C1QTNF7: variants seen among roughly 807,000 people sequenced by gnomAD.
The protein encoded by C1QTNF7 is complement C1q tumor necrosis factor-related protein 7.
In C1QTNF7, 15 loss-of-function variants were observed where a neutral mutation model predicts 19.6. That is an observed-to-expected ratio of 0.76 (90% CI 0.51 to 1.18). The LOEUF (loss-of-function observed/expected upper bound fraction) is 1.18, where lower values mean the gene tolerates loss of function less well. Ranked by LOEUF, C1QTNF7 falls within the 50% of genes most tolerant of loss-of-function variation. C1QTNF7 has a pLI of 0.00. For missense variants in C1QTNF7, 324 were observed against 359.7 expected, an observed-to-expected ratio of 0.90 and a Z score of 0.80; for synonymous variants, 142 against 137.5, an observed-to-expected ratio of 1.03 and a Z score of -0.23.
At chr4:15,391,112 T>A (rs1269036962) in intron 1 of C1QTNF7, among the ~76,000 whole-genome samples, 4 of 151,918 alleles carry the variant, frequency 2.6e-5, no homozygotes, top group African/African-American at 9.7e-5. Context: ...TGAATCCAGG[T>A]GCTCTAAGCA....
At chr4:15,370,622 A>T (rs1270735890) in intron 1 of C1QTNF7, among the ~76,000 whole-genome samples, 1 of 152,202 alleles carries the variant, frequency 6.6e-6, no homozygotes, top group Admixed American at 6.5e-5. Context: ...ATAAACTTAC[A>T]TTCTAGCCTT....
chr4:15,372,700 C>A (rs1000512242), intron 1 of C1QTNF7, among the ~76,000 whole-genome samples: 1 of 152,178 alleles, frequency 6.6e-6, no homozygotes, highest in Non-Finnish European at 1.5e-5. Context: ...GATCTTTGTT[C>A]ATGGCTACTT....
At chr4:15,373,823 T>C (rs1215584747) in intron 1 of C1QTNF7, 2 of 152,182 alleles carry the variant, frequency 1.3e-5, no homozygotes, top group Non-Finnish European at 2.9e-5. Context: ...AGTCACTCAA[T>C]GGTTTCTTTC....
intron 1 of C1QTNF7, among the ~76,000 whole-genome samples, chr4:15,394,173 G>A (rs1335507560): frequency 1.3e-5 from 2 of 152,364 alleles, no homozygotes; most frequent in African/African-American, 4.8e-5. Flanking sequence ...AGCATGTTTG[G>A]AACACTTGAG....
chr4:15,353,279 G>A (rs1670055021), intron 1 of C1QTNF7, among the ~76,000 whole-genome samples: 1 of 152,158 alleles, frequency 6.6e-6, no homozygotes. Context: ...TGGCCTTCAA[G>A]TTCATTCCAG....
intron 1 of C1QTNF7, among the ~76,000 whole-genome samples, chr4:15,340,511 T>A (rs752401314): frequency 2.6e-5 from 4 of 152,188 alleles, no homozygotes; most frequent in Non-Finnish European, 5.9e-5. Flanking sequence ...CATTTGTCAG[T>A]GTGGTGACAG....
At chr4:15,421,966 A>G (rs1283891589) in intron 1 of C1QTNF7, among the ~76,000 whole-genome samples, 1 of 152,142 alleles carries the variant, frequency 6.6e-6, no homozygotes, top group African/African-American at 2.4e-5. Context: ...TATTTATATG[A>G]CACTCTGGAA....
chr4:15,416,846 T>A (rs1035222630), intron 1 of C1QTNF7, among the ~76,000 whole-genome samples: 1 of 152,218 alleles, frequency 6.6e-6, no homozygotes, highest in Non-Finnish European at 1.5e-5. Flanking sequence ...CTTCCTCTTA[T>A]GTTAAAAGTC....
At chr4:15,390,975 G>C (rs955902946) in intron 1 of C1QTNF7, among the ~76,000 whole-genome samples, 2 of 152,062 alleles carry the variant, frequency 1.3e-5, no homozygotes, top group Non-Finnish European at 2.9e-5. Context: ...CCATCGGTTA[G>C]CACTCTTTCA....
intron 1 of C1QTNF7, among the ~76,000 whole-genome samples, chr4:15,399,388 T>A (rs564519361): frequency 2.0e-5 from 3 of 152,148 alleles, no homozygotes; most frequent in Admixed American, 2.0e-4. Flanking sequence ...CAGCTCTGAA[T>A]ATCTCTGTAG....
upstream of C1QTNF7, among the ~76,000 whole-genome samples, chr4:15,423,667 C>T (rs926593782): frequency 2.6e-5 from 4 of 152,232 alleles, no homozygotes; most frequent in Non-Finnish European, 5.9e-5. Context: ...CCGCCTGGCC[C>T]AGGCACATCC....
chr4:15,354,436 C>G (rs1281606294), intron 1 of C1QTNF7, among the ~76,000 whole-genome samples: 1 of 151,948 alleles, frequency 6.6e-6, no homozygotes, highest in Non-Finnish European at 1.5e-5. Flanking sequence ...GGGGGAGGTA[C>G]TGGATGTGGG....
intron 1 of C1QTNF7, among the ~76,000 whole-genome samples, chr4:15,403,278 G>C (rs28493206): frequency 0.022 from 3,410 of 152,252 alleles, 147 homozygotes; most frequent in African/African-American, 0.077. Context: ...GTCTCATTCT[G>C]TCTCATCCTC....
Position 15,435,886 on chromosome 4 carries a change from C to T in C1QTNF7, c.143C>T (p.Ala48Val). 2 of 1,614,040 alleles carry T rather than the reference C, an allele frequency of 1.2e-6. No homozygotes were observed. The highest frequency in any genetic ancestry group is 2.2e-5 in the South Asian group (2 of 91,068). Residue 48 changes from alanine to valine, a missense_variant, in exon 2 of 3, where the codon GCA (alanine) becomes GTA (valine). Coordinates refer to ENST00000444304, the MANE Select transcript of C1QTNF7 (RefSeq NM_031911.5). ...CCTGGACCTCCAGGGCCCCCTGGAGCAAATGGTTCCCCTGGGCCCCATGGT... is the reference window on the plus strand; with the variant it reads ...CCTGGACCTCCAGGGCCCCCTGGAGTAAATGGTTCCCCTGGGCCCCATGGT... ...GLPGPPGPPG[A>V]NGSPGPHGRI...
At chr4:15,434,929 T>C (rs944322464) in intron 1 of C1QTNF7, among the ~76,000 whole-genome samples, 2 of 152,196 alleles carry the variant, frequency 1.3e-5, no homozygotes, top group Non-Finnish European at 2.9e-5. Context: ...CCTCAGGACA[T>C]GCACAGTACC....
intron 1 of C1QTNF7, among the ~76,000 whole-genome samples, chr4:15,371,211 A>C (rs1215665260): frequency 6.6e-6 from 1 of 152,230 alleles, no homozygotes; most frequent in African/African-American, 2.4e-5. Flanking sequence ...CCGCTCCTCA[A>C]GCTGCCTCTC....
Position 15,442,924 on chromosome 4 carries a change from C to A in C1QTNF7, c.*125C>A. The A allele has an allele frequency of 2.0e-6, 2 of 989,218 alleles. No homozygotes were observed. The highest frequency in any genetic ancestry group is 2.9e-6 in the Non-Finnish European group (2 of 700,196). The allele number at this position is 989,218 out of a possible 1,614,324, so 61.3% of individuals were successfully genotyped here. A position where few individuals can be genotyped will look rare whatever the true frequency, so the allele number is the denominator to read the frequency against. ...CTAAAGCATTTAAAGACAATTCTAGCAGAATTTATCAAAACAAGATGAAAC... is the reference window on the plus strand; with the variant it reads ...CTAAAGCATTTAAAGACAATTCTAGAAGAATTTATCAAAACAAGATGAAAC... On this transcript the variant is annotated 3_prime_UTR_variant, in exon 3 of 3. Transcript: ENST00000444304.
upstream of C1QTNF7, among the ~76,000 whole-genome samples, chr4:15,426,850 C>A (rs1359695408): frequency 6.6e-6 from 1 of 152,116 alleles, no homozygotes; most frequent in Non-Finnish European, 1.5e-5. Flanking sequence ...ACATCAGACA[C>A]CATCATTTGG....
At chr4:15,398,849 C>T (rs35971217) in intron 1 of C1QTNF7, among the ~76,000 whole-genome samples, 38,423 of 152,034 alleles carry the variant, frequency 0.25, 5,875 homozygotes, top group East Asian at 0.37. Context: ...AAGCAGGCAA[C>T]GTGAGAAATC....
Sources: allele counts gnomAD v4.1 joint callset (sites outside exome capture counted in the v4.1 genomes callset), GRCh38; gene constraint gnomAD v4.1.1; transcripts MANE v1.5; gene names NCBI Gene and HGNC (gene_info 2026-07-23, HGNC 2026-07-21).